Variants in MIPOL1 observed in about 807,000 individuals in gnomAD.
MIPOL1 encodes the protein mirror-image polydactyly 1, also known as mirror-image polydactyly gene 1 protein.
In MIPOL1, 57 loss-of-function variants were observed where a neutral mutation model predicts 60.9. The observed-to-expected ratio is 0.94, with a 90% CI of 0.76 to 1.17. The LOEUF is 1.17. Among genes scored for constraint, MIPOL1 ranks in the 50% most tolerant of loss-of-function variants. The pLI, the probability that MIPOL1 is intolerant of heterozygous loss-of-function variation, is 0.00. For synonymous variants in MIPOL1, 179 were observed against 168.8 expected, an observed-to-expected ratio of 1.06 and a Z score of -0.47; for missense variants, 551 against 511.6, an observed-to-expected ratio of 1.08 and a Z score of -0.74.
intron 11 of MIPOL1, among the ~76,000 whole-genome samples, chr14:37,480,023 A>C (rs2094838023): frequency 6.6e-6 from 1 of 152,166 alleles, no homozygotes; most frequent in South Asian, 2.1e-4. Flanking sequence ...AGTAATGACT[A>C]TAAAGAGGTT....
intron 9 of MIPOL1, among the ~76,000 whole-genome samples, chr14:37,358,533 C>T (rs2092004599): frequency 6.6e-6 from 1 of 152,188 alleles, no homozygotes; most frequent in Admixed American, 6.5e-5. Flanking sequence ...GCCATTCTAA[C>T]TGGTGTGAGA....
chr14:37,331,932 C>T (rs1595179955), intron 9 of MIPOL1, among the ~76,000 whole-genome samples: 2 of 151,972 alleles, frequency 1.3e-5, no homozygotes, highest in Non-Finnish European at 2.9e-5. Context: ...AGGTGGATCA[C>T]GAGGTCAGGA....
At chr14:37,380,558 C>T (rs1004263632) in intron 10 of MIPOL1, among the ~76,000 whole-genome samples, 9 of 152,092 alleles carry the variant, frequency 5.9e-5, no homozygotes, top group Non-Finnish European at 1.2e-4. Flanking sequence ...GAACTATAAC[C>T]TCTGCCATGA....
At chr14:37,308,129 A>G (rs775974554) in intron 8 of MIPOL1, 40 bp downstream of exon 8, 3 of 1,584,422 alleles carry the variant, frequency 1.9e-6, no homozygotes, top group African/African-American at 1.4e-5. Context: ...TGTCAGTCTT[A>G]TATCTTAGAG....
At chr14:37,539,058 C>G (rs934051670) in intron 12 of MIPOL1, among the ~76,000 whole-genome samples, 1 of 151,890 alleles carries the variant, frequency 6.6e-6, no homozygotes, top group Non-Finnish European at 1.5e-5. Flanking sequence ...AAAAATTAGC[C>G]GGGTGTGGTG....
intron 1 of MIPOL1, among the ~76,000 whole-genome samples, chr14:37,225,372 T>C (rs1196503959): frequency 6.6e-6 from 1 of 152,228 alleles, no homozygotes; most frequent in Non-Finnish European, 1.5e-5. Flanking sequence ...AACTTCTGCC[T>C]GGACATCCAG....
chr14:37,426,607 A>G (rs1251298459), intron 11 of MIPOL1, among the ~76,000 whole-genome samples: 2 of 140,202 alleles, frequency 1.4e-5, no homozygotes, highest in Non-Finnish European at 3.1e-5. Flanking sequence ...ACACACACAT[A>G]CATATATAAT....
At chr14:37,411,955 G>T (rs1161341083) in intron 10 of MIPOL1, among the ~76,000 whole-genome samples, 3 of 152,080 alleles carry the variant, frequency 2.0e-5, no homozygotes, top group Non-Finnish European at 4.4e-5. Context: ...ATATGAGATA[G>T]TAAGTTATCT....
intron 1 of MIPOL1, among the ~76,000 whole-genome samples, chr14:37,237,780 G>A (rs1971719011): frequency 1.3e-5 from 2 of 152,110 alleles, no homozygotes; most frequent in African/African-American, 4.8e-5. Flanking sequence ...CAGGTGCTCA[G>A]AGATATGTGA....
intron 11 of MIPOL1, among the ~76,000 whole-genome samples, chr14:37,462,118 T>C (rs1230370527): frequency 6.6e-6 from 1 of 152,212 alleles, no homozygotes; most frequent in Non-Finnish European, 1.5e-5. Flanking sequence ...TGCCTGGGCA[T>C]CCAGGCATTT....
chr14:37,266,228 G>A (rs535640461), intron 3 of MIPOL1, among the ~76,000 whole-genome samples: 4 of 152,040 alleles, frequency 2.6e-5, no homozygotes, highest in Non-Finnish European at 5.9e-5. Flanking sequence ...TTTCACATTA[G>A]GTTAAAGCCA....
At chr14:37,288,356 C>G (rs927872065) in intron 7 of MIPOL1, among the ~76,000 whole-genome samples, 1 of 151,898 alleles carries the variant, frequency 6.6e-6, no homozygotes, top group Non-Finnish European at 1.5e-5. Flanking sequence ...TGGGCTGATA[C>G]AAAGTTTGTC....
intron 10 of MIPOL1, among the ~76,000 whole-genome samples, chr14:37,395,871 C>G (rs1027671835): frequency 6.6e-6 from 1 of 152,040 alleles, no homozygotes; most frequent in African/African-American, 2.4e-5. Context: ...CATGAAATGC[C>G]TTTTTCCACC....
At chr14:37,305,427 A>G (rs2086700188) in intron 7 of MIPOL1, among the ~76,000 whole-genome samples, 1 of 151,818 alleles carries the variant, frequency 6.6e-6, no homozygotes, top group Admixed American at 6.6e-5. Flanking sequence ...GGATACAACT[A>G]CACTTGATCA....
intron 9 of MIPOL1, among the ~76,000 whole-genome samples, chr14:37,356,313 T>C (rs975903288): frequency 1.6e-4 from 24 of 151,942 alleles, no homozygotes; most frequent in Non-Finnish European, 2.1e-4. Flanking sequence ...TCTTCAAAGC[T>C]GTCAGACAGG....
chr14:37,461,455 A>C (rs2094537680), intron 11 of MIPOL1, among the ~76,000 whole-genome samples: 1 of 152,162 alleles, frequency 6.6e-6, no homozygotes, highest in South Asian at 2.1e-4. Context: ...ACCCATGGGA[A>C]TTACGTGAGG....
chr14:37,426,511 A>G lies in MIPOL1; in HGVS notation c.1031+3562A>G, dbSNP rs545455791. On this transcript the variant is annotated intron_variant, in intron 11 of 12. Transcript: ENST00000684589. ...TTGAGGTGGAGGTTGCAGTGAGCCA[A>G]GATTGCACCATTGCACTCCAGCCTG... 9.4e-3 allele frequency among the ~76,000 whole-genome samples: 1,385 copies of G among 147,584 alleles called. 14 individuals carry two copies. Among genetic ancestry groups the G allele is most frequent in the Non-Finnish European group, 0.015 (999 of 67,152 alleles).
chr14:37,349,365 C>G (rs34952686), intron 9 of MIPOL1, among the ~76,000 whole-genome samples: 33,238 of 151,984 alleles, frequency 0.22, 4,108 homozygotes, highest in South Asian at 0.36. Flanking sequence ...CTACTCAAAA[C>G]CCTTTAGAAA....
At chr14:37,311,737 T>A (rs1274866125) in intron 9 of MIPOL1, among the ~76,000 whole-genome samples, 1 of 152,196 alleles carries the variant, frequency 6.6e-6, no homozygotes, top group Non-Finnish European at 1.5e-5. Context: ...TGGTTTTCTC[T>A]AATTTTGTTA....
Sources: gnomAD v4.1 joint callset for allele counts (sites outside exome capture counted in the v4.1 genomes callset) on GRCh38, gnomAD v4.1.1 for gene constraint, MANE v1.5 for transcripts, NCBI Gene and HGNC (gene_info 2026-07-23, HGNC 2026-07-21) for gene names.